The following LRP1B variants were observed in gnomAD, a reference collection of about 807,000 sequenced individuals.
LRP1B encodes LDL receptor related protein 1B, also known as low-density lipoprotein receptor-related protein 1B.
A neutral mutation model predicts 556.6 loss-of-function variants in LRP1B; 217 were observed. The ratio of observed to expected loss-of-function variants is 0.39; its 90% CI spans 0.35 to 0.44. LRP1B has a LOEUF of 0.44. Ranked by LOEUF, LRP1B falls within the 20% of genes least tolerant of loss-of-function variation. The probability of loss-of-function intolerance (pLI) is 1.00; values close to 1 mark genes in which losing one functional copy is unlikely to be tolerated. For synonymous variants in LRP1B, 2,047 were observed against 1,865.8 expected, an observed-to-expected ratio of 1.10 and a Z score of -2.50; for missense variants, 5,053 against 5,620.8, an observed-to-expected ratio of 0.90 and a Z score of 3.23.
At chr2:141,429,117 A>T (rs1199008211) in intron 3 of LRP1B, among the ~76,000 whole-genome samples, 1 of 152,146 alleles carries the variant, frequency 6.6e-6, no homozygotes, top group African/African-American at 2.4e-5. Flanking sequence ...ATTCCAAGTA[A>T]GTTGGGTATA....
chr2:141,203,065 G>C (rs1380025451), intron 6 of LRP1B, among the ~76,000 whole-genome samples: 2 of 152,028 alleles, frequency 1.3e-5, no homozygotes, highest in African/African-American at 4.8e-5. Context: ...GGAACAACTG[G>C]TACCAGCCGC....
intron 66 of LRP1B, among the ~76,000 whole-genome samples, chr2:140,428,146 C>T (rs1321950532): frequency 1.3e-5 from 2 of 152,144 alleles, no homozygotes; most frequent in Middle Eastern, 3.4e-3. Context: ...TCTCAATATA[C>T]ATTTTATTAC....
At chr2:141,823,182 A>C (rs2105733247) in intron 1 of LRP1B, among the ~76,000 whole-genome samples, 1 of 152,264 alleles carries the variant, frequency 6.6e-6, no homozygotes, top group South Asian at 2.1e-4. Flanking sequence ...GACAACTGAG[A>C]TAAAGAGTTA....
chr2:140,971,065 T>G (rs1024233980), intron 18 of LRP1B, among the ~76,000 whole-genome samples: 4 of 152,156 alleles, frequency 2.6e-5, no homozygotes, highest in African/African-American at 9.7e-5. Context: ...TGGTCGCTTA[T>G]TGAAACAATG....
In LRP1B at chr2:140,883,679, CG is replaced by C; in HGVS notation, c.4169+137del. The C allele has an allele frequency of 1.2e-4, 52 of 428,700 alleles. 1 individual carries two copies. Among genetic ancestry groups the C allele is most frequent in the South Asian group, 4.3e-4 (13 of 30,132 alleles). 26.6% of individuals were successfully genotyped at this position (428,700 alleles called of 1,614,324 possible). On this transcript the variant is annotated intron_variant, in intron 25 of 90. Coordinates refer to ENST00000389484, the MANE Select transcript of LRP1B (RefSeq NM_018557.3). Reference sequence around the variant, plus strand: ...ACTCACATACCTACCCCCACCTCCCCGCCCCCGCCACACACACACATACATG... The same window carrying C: ...ACTCACATACCTACCCCCACCTCCCCCCCCCGCCACACACACACATACATG...
At chr2:141,956,431 G>A (rs1422980776) in intron 1 of LRP1B, among the ~76,000 whole-genome samples, 1 of 151,836 alleles carries the variant, frequency 6.6e-6, no homozygotes, top group Non-Finnish European at 1.5e-5. Flanking sequence ...ATATGTGGTT[G>A]GTCTTTTTCC....
chr2:140,576,077 TAA>T (rs1249392063), intron 43 of LRP1B, among the ~76,000 whole-genome samples: 1 of 152,140 alleles, frequency 6.6e-6, no homozygotes, highest in Non-Finnish European at 1.5e-5. Flanking sequence ...ACAGGACATG[TAA>T]AGTTTTGATA....
In LRP1B at chr2:140,388,933, A is replaced by C. The variant is rs76446966; in HGVS notation, c.10415-2924T>G. On this transcript the variant is annotated intron_variant, in intron 66 of 90. Transcript: ENST00000389484. ...AAGCTAGTCTATGATTCCAATGAGA[A>C]ACCAAAATTAAAAATCACTGGCTCA... 1.1e-4 allele frequency among the ~76,000 whole-genome samples: 17 copies of C among 152,338 alleles called. No individual in the cohort carries two copies. In the East Asian group the frequency reaches 3.1e-3, roughly 28 times the overall value.
chr2:142,086,657 T>C (rs1705944903), intron 1 of LRP1B, among the ~76,000 whole-genome samples: 1 of 150,218 alleles, frequency 6.7e-6, no homozygotes, highest in South Asian at 2.1e-4. Flanking sequence ...AAAACACAAC[T>C]TGTCTCCAGC....
chr2:140,682,675 C>CGTGTGTGTGTGT (rs112723393), intron 41 of LRP1B, among the ~76,000 whole-genome samples: 2,607 of 149,514 alleles, frequency 0.017, 76 homozygotes, highest in African/African-American at 0.06. Flanking sequence ...GAGAGTATTG[C>CGTGTGTGTGTGT]GTGTGTGTGT....
rs561168413 is a variant in LRP1B at position 140,915,366 on chromosome 2, G to A, written c.3320-7289C>T. Among the ~76,000 whole-genome samples the A allele has an allele frequency of 8.2e-4, 125 of 152,038 alleles. No individual in the cohort carries two copies. The Middle Eastern group carries it at 0.024, about 29-fold the overall frequency. Reference sequence around the variant, plus strand: ...GCCACAGGATCAATATCTAAAGAAGGGTTTGGGGGCGCTGGCTCACACCTC... The same window carrying A: ...GCCACAGGATCAATATCTAAAGAAGAGTTTGGGGGCGCTGGCTCACACCTC... On this transcript the variant is annotated intron_variant, in intron 21 of 90. Coordinates refer to ENST00000389484, the MANE Select transcript of LRP1B (RefSeq NM_018557.3).
chr2:141,549,677 A>G (rs1013726507), intron 2 of LRP1B, among the ~76,000 whole-genome samples: 9 of 152,154 alleles, frequency 5.9e-5, no homozygotes, highest in African/African-American at 2.2e-4. Context: ...TAAAGCAAAA[A>G]CAAGTTTCTT....
intron 23 of LRP1B, among the ~76,000 whole-genome samples, chr2:140,888,977 A>G (rs183811363): frequency 5.0e-4 from 75 of 151,096 alleles, no homozygotes; most frequent in African/African-American, 1.7e-3. Flanking sequence ...AAAAAAAAAA[A>G]AAACTTGAAA....
chr2:141,748,306 A>G (rs1479283812), intron 2 of LRP1B, among the ~76,000 whole-genome samples: 2 of 152,202 alleles, frequency 1.3e-5, no homozygotes, highest in Admixed American at 6.6e-5. Flanking sequence ...TATATATAAA[A>G]GGCCTAGATT....
chr2:141,448,782 A>ATT (rs1054174066), intron 3 of LRP1B, among the ~76,000 whole-genome samples: 36 of 152,294 alleles, frequency 2.4e-4, no homozygotes, highest in African/African-American at 8.7e-4. Context: ...GGAAATGCAG[A>ATT]AATCACCCAC....
chr2:140,955,384 A>G (rs968843851), intron 18 of LRP1B, among the ~76,000 whole-genome samples: 2 of 151,832 alleles, frequency 1.3e-5, no homozygotes, highest in African/African-American at 4.8e-5. Flanking sequence ...CAAAGATTTA[A>G]ATATTACACA....
chr2:141,887,461 T>TGAGAG (rs1699162507), intron 1 of LRP1B, among the ~76,000 whole-genome samples: 4 of 152,306 alleles, frequency 2.6e-5, no homozygotes, highest in Admixed American at 1.3e-4. Flanking sequence ...TGTGTTGTCT[T>TGAGAG]CACCCTTTAC....
chr2:140,261,626 A>G (rs1681945853), intron 86 of LRP1B, among the ~76,000 whole-genome samples: 1 of 151,916 alleles, frequency 6.6e-6, no homozygotes, highest in Non-Finnish European at 1.5e-5. Flanking sequence ...TAAAGTAGAG[A>G]AAATTCAGAT....
At chr2:141,222,164 A>G (rs888910286) in intron 6 of LRP1B, among the ~76,000 whole-genome samples, 1 of 152,190 alleles carries the variant, frequency 6.6e-6, no homozygotes, top group Non-Finnish European at 1.5e-5. Flanking sequence ...ATAAGGAAGA[A>G]AAGAGAATAT....
Sources: gnomAD v4.1 joint callset for allele counts (sites outside exome capture counted in the v4.1 genomes callset) on GRCh38, gnomAD v4.1.1 for gene constraint, MANE v1.5 for transcripts, NCBI Gene and HGNC (gene_info 2026-07-23, HGNC 2026-07-21) for gene names.